ITFG1: variants seen among roughly 807,000 people sequenced by gnomAD.
ITFG1 encodes T-cell immunomodulatory protein.
Under a neutral mutation model 81.8 loss-of-function variants are expected in ITFG1, and 34 were observed. The ratio of observed to expected loss-of-function variants is 0.42; its 90% CI spans 0.32 to 0.55. The LOEUF (loss-of-function observed/expected upper bound fraction) is 0.55. ITFG1 is among the 20% of genes least tolerant of loss of function. The pLI is 0.17. For missense variants in ITFG1, 672 were observed against 755.4 expected (o/e 0.89, Z 1.29); for synonymous variants, 285 against 270.6 (o/e 1.05, Z -0.52).
chr16:47,442,036 A>C (rs1315118935), intron 5 of ITFG1, among the ~76,000 whole-genome samples: 1 of 152,188 alleles, frequency 6.6e-6, no homozygotes, highest in African/African-American at 2.4e-5. Flanking sequence ...TATACCAAAA[A>C]CAGACAAACA....
intron 10 of ITFG1, among the ~76,000 whole-genome samples, chr16:47,273,724 G>A (rs966961504): frequency 1.3e-5 from 2 of 152,026 alleles, no homozygotes; most frequent in African/African-American, 2.4e-5. Context: ...CTGTCAAATA[G>A]GTGAGTAGAA....
chr16:47,182,410 T>C (rs1316182051), intron 14 of ITFG1, among the ~76,000 whole-genome samples: 2 of 151,488 alleles, frequency 1.3e-5, no homozygotes, highest in African/African-American at 4.9e-5. Context: ...GAAAATATGG[T>C]ATTATGGGAA....
At chr16:47,338,047 G>T (rs1030956848) in intron 8 of ITFG1, among the ~76,000 whole-genome samples, 1 of 152,220 alleles carries the variant, frequency 6.6e-6, no homozygotes, top group African/African-American at 2.4e-5. Context: ...TGAAGGAACA[G>T]AAATTTCAGT....
chr16:47,338,422 C>CA (rs560128839), intron 8 of ITFG1, among the ~76,000 whole-genome samples: 62 of 149,638 alleles, frequency 4.1e-4, no homozygotes, highest in South Asian at 1.1e-3. Flanking sequence ...ACCAAACAAA[C>CA]AAAAAAAAAT....
intron 14 of ITFG1, among the ~76,000 whole-genome samples, chr16:47,208,097 T>C (rs1464470880): frequency 6.6e-6 from 1 of 152,176 alleles, no homozygotes; most frequent in Non-Finnish European, 1.5e-5. Context: ...GAGTGCTGAC[T>C]CCAGAAACTT....
chr16:47,352,075 C>G (rs892171352), intron 8 of ITFG1, among the ~76,000 whole-genome samples: 10 of 152,174 alleles, frequency 6.6e-5, no homozygotes, highest in East Asian at 5.8e-4. Flanking sequence ...GGACTAAAGA[C>G]TTAAATGTTA....
intron 5 of ITFG1, among the ~76,000 whole-genome samples, chr16:47,436,155 T>C (rs1969163770): frequency 6.6e-6 from 1 of 152,158 alleles, no homozygotes; most frequent in Non-Finnish European, 1.5e-5. Flanking sequence ...GTGGATTCTT[T>C]TTAGTGATGG....
At chr16:47,424,460 A>G (rs1003874992) in intron 6 of ITFG1, among the ~76,000 whole-genome samples, 15 of 151,976 alleles carry the variant, frequency 9.9e-5, no homozygotes, top group African/African-American at 3.4e-4. Flanking sequence ...TCTTCGTCCA[A>G]TTTTGTTCTC....
intron 14 of ITFG1, chr16:47,196,337 TCTC>T (rs1221137930): frequency 1.3e-5 from 2 of 152,122 alleles, no homozygotes; most frequent in East Asian, 1.9e-4. Context: ...TGTTCTCTCT[TCTC>T]CTTCTGATAC....
At position 47,253,843 on chromosome 16, in the gene ITFG1, G is replaced by C. The variant is rs529445450; in HGVS notation, c.1330+4789C>G. Among the ~76,000 whole-genome samples the C allele has an allele frequency of 1.2e-4, 18 of 152,214 alleles. No homozygotes were observed. The East Asian group carries it at 3.5e-3, about 29-fold the overall frequency. ...GCCCTCCGGCCGTTCACCTCCTGTC[G>C]TGCGGCCTGGTTCCTAATAGGTCTC... is the stretch of plus-strand genomic sequence containing the variant. On this transcript the variant is annotated intron_variant, in intron 12 of 17. Transcript: ENST00000320640.
intron 5 of ITFG1, among the ~76,000 whole-genome samples, chr16:47,434,603 A>C (rs1000261627): frequency 6.6e-6 from 1 of 152,180 alleles, no homozygotes; most frequent in Non-Finnish European, 1.5e-5. Context: ...TGTTGGTGGG[A>C]GTGTAAGTTA....
intron 12 of ITFG1, among the ~76,000 whole-genome samples, chr16:47,253,118 T>C (rs1276772836): frequency 6.6e-6 from 1 of 152,172 alleles, no homozygotes; most frequent in Admixed American, 6.5e-5. Context: ...CAGGATAATG[T>C]TACTGAGACT....
At chr16:47,255,776 T>C (rs542611932) in intron 12 of ITFG1, among the ~76,000 whole-genome samples, 2 of 152,108 alleles carry the variant, frequency 1.3e-5, no homozygotes, top group Admixed American at 6.5e-5. Flanking sequence ...TAAAGCATAC[T>C]AGGAGTAAGA....
chr16:47,434,933 C>G (rs1969145762), intron 5 of ITFG1, among the ~76,000 whole-genome samples: 1 of 152,116 alleles, frequency 6.6e-6, no homozygotes, highest in Non-Finnish European at 1.5e-5. Context: ...GAACAGAAAA[C>G]CAAACATTAC....
intron 6 of ITFG1, among the ~76,000 whole-genome samples, chr16:47,425,010 G>C (rs776430801): frequency 6.6e-6 from 1 of 152,144 alleles, no homozygotes; most frequent in Non-Finnish European, 1.5e-5. Context: ...GAAGCTGTCC[G>C]CCGCCTTTTG....
intron 5 of ITFG1, among the ~76,000 whole-genome samples, chr16:47,442,670 A>C (rs1969268771): frequency 6.6e-6 from 1 of 152,210 alleles, no homozygotes; most frequent in South Asian, 2.1e-4. Context: ...CCATTTAATA[A>C]ATGGTGCTGG....
chr16:47,405,327 C>G (rs1038651179), intron 6 of ITFG1, among the ~76,000 whole-genome samples: 1 of 152,138 alleles, frequency 6.6e-6, no homozygotes, highest in Non-Finnish European at 1.5e-5. Context: ...TTAAAGTGAG[C>G]ATGTACTAGT....
At chr16:47,359,666 A>C (rs887301878) in intron 8 of ITFG1, among the ~76,000 whole-genome samples, 16 of 152,212 alleles carry the variant, frequency 1.1e-4, no homozygotes, top group Non-Finnish European at 4.4e-5. Flanking sequence ...AGACCTGGCC[A>C]AGTGCCAGCC....
At chr16:47,208,383 G>A (rs568039357) in intron 14 of ITFG1, among the ~76,000 whole-genome samples, 3 of 152,258 alleles carry the variant, frequency 2.0e-5, no homozygotes, top group South Asian at 2.1e-4. Flanking sequence ...TGTTTGGTAC[G>A]CTAAAAGTAC....
Sources: gnomAD v4.1 joint callset for allele counts (sites outside exome capture counted in the v4.1 genomes callset) on GRCh38, gnomAD v4.1.1 for gene constraint, MANE v1.5 for transcripts, NCBI Gene and HGNC (gene_info 2026-07-23, HGNC 2026-07-21) for gene names.